Variants in PDE11A observed in about 807,000 individuals in gnomAD.
PDE11A encodes phosphodiesterase 11A.
PDE11A carries 100 observed loss-of-function variants against 100.5 expected under a neutral mutation model. The ratio of observed to expected loss-of-function variants is 1.00; its 90% CI spans 0.85 to 1.18. PDE11A has a LOEUF of 1.18. Ranked by LOEUF, PDE11A falls within the 50% of genes most tolerant of loss-of-function variation. The pLI, the probability that PDE11A is intolerant of heterozygous loss-of-function variation, is 0.00. For missense variants in PDE11A, 1,141 were observed against 1,152.6 expected, an observed-to-expected ratio of 0.99 and a Z score of 0.15; for synonymous variants, 381 against 420.8, an observed-to-expected ratio of 0.91 and a Z score of 1.16.
chr2:177,936,450 G>A (rs1343341841), intron 2 of PDE11A, among the ~76,000 whole-genome samples: 3 of 152,134 alleles, frequency 2.0e-5, no homozygotes, highest in Non-Finnish European at 2.9e-5. Flanking sequence ...TGCTCTTGAT[G>A]TAGTTTAAGC....
intron 5 of PDE11A, among the ~76,000 whole-genome samples, chr2:177,841,897 A>G (rs76728491): frequency 6.6e-6 from 1 of 152,214 alleles, no homozygotes; most frequent in Non-Finnish European, 1.5e-5. Context: ...TCAAAACAAA[A>G]GAACAAAAAA....
intron 9 of PDE11A, among the ~76,000 whole-genome samples, chr2:177,778,086 T>G (rs1283005790): frequency 6.6e-6 from 1 of 152,108 alleles, no homozygotes; most frequent in Non-Finnish European, 1.5e-5. Flanking sequence ...ATCGGACCCA[T>G]GAAAGAGAGA....
chr2:177,660,089 TTCTTTCTTTC>T lies in PDE11A; in HGVS notation c.2646+3767_2646+3776del, dbSNP rs1192510832. On this transcript the variant is annotated intron_variant, in intron 19 of 19. Transcript: ENST00000286063. Reference sequence around the variant, plus strand: ...TTTCTTTCTTTCTTTCTTTCTTTCTTTCTTTCTTTCTCTCTCTCTCTCTTTCTTTCTTTCT... The same window carrying T: ...TTTCTTTCTTTCTTTCTTTCTTTCTTTCTCTCTCTCTCTTTCTTTCTTTCT... Among the ~76,000 whole-genome samples the T allele has an allele frequency of 6.5e-4, 24 of 37,040 alleles. 2 individuals are homozygous for T. The highest frequency in any genetic ancestry group is 1.3e-3 in the South Asian group (1 of 746). The allele number at this position is 37,040 out of a possible 152,430, so 24.3% of individuals were successfully genotyped here.
At chr2:177,701,060 G>C in intron 14 of PDE11A, 61 bp downstream of exon 14, 1 of 913,130 alleles carries the variant, frequency 1.1e-6, no homozygotes, top group Non-Finnish European at 1.8e-6. Context: ...GGAAGAGAGG[G>C]AGGAAACAAA....
In PDE11A at chr2:177,850,979, G is replaced by A. The variant is rs569269908; in HGVS notation, c.1368-10596C>T. Among the ~76,000 whole-genome samples the A allele has an allele frequency of 4.7e-4, 72 of 152,308 alleles. No homozygotes were observed. The Middle Eastern group carries it at 0.01, about 22-fold the overall frequency. ...CAACCATTGTGGAAGACAGTGTGGC[G>A]ACTCCTCAAGGATCTAGAACTAGAA... is the stretch of plus-strand genomic sequence containing the variant. On this transcript the variant is annotated intron_variant, in intron 5 of 19. Transcript: ENST00000286063.
At chr2:177,821,260 C>A (rs886946439) in intron 6 of PDE11A, among the ~76,000 whole-genome samples, 1 of 151,046 alleles carries the variant, frequency 6.6e-6, no homozygotes, top group Non-Finnish European at 1.5e-5. Flanking sequence ...TTCATTGTAC[C>A]AATATGTTAG....
Position 177,883,012 on chromosome 2 carries a change from G to A in PDE11A, c.1303-7089C>T, listed in dbSNP as rs575487388. 7.2e-5 allele frequency among the ~76,000 whole-genome samples: 11 copies of A among 152,280 alleles called. No homozygotes were observed. The East Asian group carries it at 2.1e-3, about 29-fold the overall frequency. ...AGGCCAAGTGTGGTGGCTCACACCT[G>A]TAATGCCAGCACTTTGGGAAGTCAA... On this transcript the variant is annotated intron_variant, in intron 4 of 19. Coordinates refer to ENST00000286063, the MANE Select transcript of PDE11A (RefSeq NM_016953.4).
intron 4 of PDE11A, among the ~76,000 whole-genome samples, chr2:177,897,570 C>T (rs1312040463): frequency 2.0e-5 from 3 of 152,176 alleles, no homozygotes; most frequent in African/African-American, 4.8e-5. Flanking sequence ...CCATTCTGCT[C>T]GAGTCCAGTT....
At chr2:177,810,610 A>T (rs2082936084) in intron 9 of PDE11A, among the ~76,000 whole-genome samples, 2 of 152,116 alleles carry the variant, frequency 1.3e-5, no homozygotes, top group African/African-American at 4.8e-5. Flanking sequence ...CTATGACATC[A>T]TTGGGTTTGT....
At chr2:177,863,662 G>A (rs550462496) in intron 5 of PDE11A, among the ~76,000 whole-genome samples, 1 of 151,942 alleles carries the variant, frequency 6.6e-6, no homozygotes, top group Non-Finnish European at 1.5e-5. Context: ...ACCCATTAGG[G>A]TGGCTACTAT....
chr2:177,851,611 G>A (rs560771863), intron 5 of PDE11A, among the ~76,000 whole-genome samples: 12 of 152,294 alleles, frequency 7.9e-5, no homozygotes, highest in African/African-American at 2.9e-4. Flanking sequence ...TAGGATACAC[G>A]GTGGAAGTGG....
chr2:177,722,246 C>T (rs760216603), intron 12 of PDE11A, among the ~76,000 whole-genome samples: 1 of 152,270 alleles, frequency 6.6e-6, no homozygotes, highest in South Asian at 2.1e-4. Context: ...TAACGTCGGA[C>T]ATGATTATGT....
chr2:177,732,773 T>C (rs1470763091), intron 10 of PDE11A, among the ~76,000 whole-genome samples: 1 of 152,190 alleles, frequency 6.6e-6, no homozygotes. Context: ...CCCTAATAGG[T>C]TGATTGATCC....
intron 15 of PDE11A, among the ~76,000 whole-genome samples, chr2:177,684,567 A>C (rs1574041802): frequency 6.6e-6 from 1 of 152,288 alleles, no homozygotes; most frequent in African/African-American, 2.4e-5. Flanking sequence ...TGTTCCTGGC[A>C]GACTTAATGG....
In PDE11A at chr2:177,905,068, G is replaced by A; in HGVS notation, c.1161+30C>T. 1.8e-6 allele frequency: 2 copies of A among 1,124,990 alleles called. 1 individual carries two copies. Among genetic ancestry groups the A allele is most frequent in the South Asian group, 2.5e-5 (2 of 81,508 alleles). 69.7% of individuals were successfully genotyped at this position (1,124,990 alleles called of 1,614,324 possible). A position where few individuals can be genotyped will look rare whatever the true frequency, so the allele number is the denominator to read the frequency against. ...ACAGAAACCAGAAAGAGAGTTTTGA[G>A]GAGTGTCAACAATGTTTTTATTTAC... is the stretch of plus-strand genomic sequence containing the variant. On this transcript the variant is annotated intron_variant, in intron 3 of 19. Coordinates refer to ENST00000286063, the MANE Select transcript of PDE11A (RefSeq NM_016953.4).
Position 177,730,607 on chromosome 2 carries a change from A to G in PDE11A, c.1789-2435T>C, listed in dbSNP as rs61194566. 8.5e-3 allele frequency among the ~76,000 whole-genome samples: 1,279 copies of G among 150,940 alleles called. 22 individuals are homozygous for G. Among genetic ancestry groups the G allele is most frequent in the African/African-American group, 0.029 (1,208 of 41,106 alleles). ...AATTTCTTCTTACTGTTGAGATTTT[A>G]ATACCACGGTTTTCATTCTAAGAGC... On this transcript the variant is annotated intron_variant, in intron 10 of 19. Coordinates refer to ENST00000286063, the MANE Select transcript of PDE11A (RefSeq NM_016953.4).
chr2:177,790,009 T>C (rs1008179156), intron 9 of PDE11A, among the ~76,000 whole-genome samples: 1 of 151,702 alleles, frequency 6.6e-6, no homozygotes, highest in Admixed American at 6.6e-5. Flanking sequence ...AAGCTACCAA[T>C]GACTTTCTTC....
At chr2:177,659,191 G>A (rs1027061884) in intron 19 of PDE11A, among the ~76,000 whole-genome samples, 3 of 151,026 alleles carry the variant, frequency 2.0e-5, no homozygotes, top group Admixed American at 2.0e-4. Context: ...AACCTGGGAG[G>A]TGGAAGTTGC....
intron 6 of PDE11A, among the ~76,000 whole-genome samples, chr2:177,827,030 T>G (rs1326021229): frequency 6.6e-6 from 1 of 152,216 alleles, no homozygotes; most frequent in East Asian, 1.9e-4. Flanking sequence ...TGACCTGTCC[T>G]GCCAGGCTAG....
Sources: allele counts gnomAD v4.1 joint callset (sites outside exome capture counted in the v4.1 genomes callset), GRCh38; gene constraint gnomAD v4.1.1; transcripts MANE v1.5; gene names NCBI Gene and HGNC (gene_info 2026-07-23, HGNC 2026-07-21).